Variants in MYO19 observed in about 807,000 individuals in gnomAD.
The protein encoded by MYO19 is myosin XIX, also known as unconventional myosin-XIX.
MYO19 carries 132 observed loss-of-function variants against 129.2 expected under a neutral mutation model. The observed-to-expected ratio is 1.02, with a 90% CI of 0.89 to 1.18. The LOEUF (loss-of-function observed/expected upper bound fraction) is 1.18. MYO19 is among the 50% of genes most tolerant of loss of function. MYO19 has a pLI of 0.00. For synonymous variants in MYO19, 531 were observed against 477.2 expected (o/e 1.11, Z -1.47); for missense variants, 1,210 against 1,216.7 (o/e 0.99, Z 0.08).
At position 36,532,662 on chromosome 17, in the gene MYO19, CAG is replaced by C; in HGVS notation, c.-126_-125del. ...AAAGGGCTCAGTTCTGGAGGAATCT[CAG>C]ACAAGTCACTCCAGCGCCTGTGGCA... is the stretch of plus-strand genomic sequence containing the variant. On this transcript the variant is annotated 5_prime_UTR_variant, in exon 3 of 26. Coordinates refer to ENST00000614623, the MANE Select transcript of MYO19 (RefSeq NM_001163735.2). The C allele has an allele frequency of 8.4e-7, 1 of 1,185,300 alleles. No homozygotes were observed. Among genetic ancestry groups the C allele is most frequent in the South Asian group, 1.3e-5 (1 of 75,976 alleles). 73.4% of individuals were successfully genotyped at this position (1,185,300 alleles called of 1,614,324 possible). A position where few individuals can be genotyped will look rare whatever the true frequency, so the allele number is the denominator to read the frequency against.
At position 36,523,011 on chromosome 17, in the gene MYO19, AAAAAAC is replaced by A. The variant is rs1256644276; in HGVS notation, c.414+2211_414+2216del. On this transcript the variant is annotated intron_variant, in intron 6 of 25. Transcript: ENST00000614623. The stretch of plus-strand genomic sequence containing the variant: ...ACAGAGCAAGACTCCGTCTCAAAAA[AAAAAAC>A]AAAAAACAAAAAAAAAAAACTTTGC... Among the ~76,000 whole-genome samples, 17 of 146,970 alleles carry A rather than the reference AAAAAAC, an allele frequency of 1.2e-4. No homozygotes were observed. The East Asian group carries it at 3.1e-3, about 27-fold the overall frequency.
chr17:36,542,244 A>G (rs909954123), intron 1 of MYO19: 4 of 150,558 alleles, frequency 2.7e-5, no homozygotes, highest in African/African-American at 7.5e-5. Flanking sequence ...TATGTTTTAT[A>G]TATGTTTTAA....
chr17:36,502,745 T>A, intron 21 of MYO19: 1 of 255,814 alleles, frequency 3.9e-6, no homozygotes, highest in Non-Finnish European at 7.5e-6. Flanking sequence ...CTGGCTGGAG[T>A]TCCTCATACC....
In MYO19 at chr17:36,505,336, G is replaced by T; in HGVS notation, c.1866C>A (p.Pro622=). The change falls in exon 19 of 26, where the codon CCC becomes CCA. Residue 622 remains proline, a synonymous_variant. Transcript: ENST00000614623. ...TTPHYIRCIK[P]NSQGQAQTFL... ...AGGTCTGCGCCTGGCCCTGGCTGTT[G>T]GGCTTGATGCAGCGAATGTAGTGGG... 1 of 1,614,240 alleles carries T rather than the reference G, an allele frequency of 6.2e-7. No homozygotes were observed. Among genetic ancestry groups the T allele is most frequent in the Non-Finnish European group, 8.5e-7 (1 of 1,180,048 alleles).
chr17:36,533,048 G>A (rs1450135643), intron 2 of MYO19: 1 of 157,646 alleles, frequency 6.3e-6, no homozygotes, highest in Non-Finnish European at 1.4e-5. Flanking sequence ...AGAGGCTGGA[G>A]TCATCTCTCG....
intron 6 of MYO19, among the ~76,000 whole-genome samples, chr17:36,519,843 A>G (rs938834083): frequency 3.9e-5 from 6 of 152,174 alleles, no homozygotes; most frequent in African/African-American, 7.2e-5. Flanking sequence ...ATTTTTGCTG[A>G]TAACAGAATT....
chr17:36,512,588 C>G lies in MYO19; in HGVS notation c.894+841G>C, dbSNP rs1386948278. On this transcript the variant is annotated intron_variant, in intron 11 of 25. Coordinates refer to ENST00000614623, the MANE Select transcript of MYO19 (RefSeq NM_001163735.2). Reference sequence around the variant, plus strand: ...CATGCCCACCCCCAAAGCACTCCTGCCCCGACTCCCAGTGTTGTCCACTTA... The same window carrying G: ...CATGCCCACCCCCAAAGCACTCCTGGCCCGACTCCCAGTGTTGTCCACTTA... 4 of 1,263,602 alleles carry G rather than the reference C, an allele frequency of 3.2e-6. No individual in the cohort carries two copies. The African/African-American group carries it at 4.6e-5, about 14-fold the overall frequency. 78.3% of individuals were successfully genotyped at this position (1,263,602 alleles called of 1,614,324 possible). A position where few individuals can be genotyped will look rare whatever the true frequency, so the allele number is the denominator to read the frequency against.
chr17:36,534,427 C>T (rs2074007086), intron 1 of MYO19, among the ~76,000 whole-genome samples: 1 of 152,152 alleles, frequency 6.6e-6, no homozygotes. Context: ...GCGCAGCTGC[C>T]CTGACACCTC....
intron 23 of MYO19, chr17:36,499,673 T>TTTTTTTC (rs2071359171): frequency 1.6e-5 from 2 of 124,974 alleles, no homozygotes; most frequent in African/African-American, 6.3e-5. Context: ...TCTTTTTTTT[T>TTTTTTTC]TTTTTTTTTT....
At chr17:36,517,311 G>A (rs767618678) in intron 6 of MYO19, among the ~76,000 whole-genome samples, 25 of 152,204 alleles carry the variant, frequency 1.6e-4, no homozygotes, top group Non-Finnish European at 2.6e-4. Flanking sequence ...CCAGGATGGA[G>A]TGCAGTGGCA....
At chr17:36,512,074 G>A (rs193014777) in intron 11 of MYO19, among the ~76,000 whole-genome samples, 1 of 152,232 alleles carries the variant, frequency 6.6e-6, no homozygotes, top group East Asian at 1.9e-4. Context: ...GACCCAGCTA[G>A]GCATGGTGGC....
At chr17:36,516,573 T>C (rs1232966809) in intron 6 of MYO19, among the ~76,000 whole-genome samples, 2 of 152,206 alleles carry the variant, frequency 1.3e-5, no homozygotes, top group African/African-American at 2.4e-5. Flanking sequence ...GGTTTCACCA[T>C]GTTGGTGAGT....
At chr17:36,531,873 G>C (rs537390324) in intron 3 of MYO19, among the ~76,000 whole-genome samples, 3 of 152,092 alleles carry the variant, frequency 2.0e-5, no homozygotes, top group Admixed American at 2.0e-4. Context: ...GGCAACACTT[G>C]GTAAAATAAA....
chr17:36,516,531 T>A (rs1254228535), intron 6 of MYO19, among the ~76,000 whole-genome samples: 2 of 152,148 alleles, frequency 1.3e-5, no homozygotes, highest in African/African-American at 2.4e-5. Context: ...CCACCACGCC[T>A]GGCTAATTTT....
At chr17:36,498,105 C>G (rs938517166) in intron 25 of MYO19, 161 bp downstream of exon 25, 7 of 693,914 alleles carry the variant, frequency 1.0e-5, no homozygotes, top group Non-Finnish European at 1.6e-5. Flanking sequence ...AATAAATAAT[C>G]CAAACCTGCA....
At position 36,510,771 on chromosome 17, in the gene MYO19, A is replaced by G; in HGVS notation, c.1132T>C (p.Cys378Arg). Reference sequence around the variant, plus strand: ...CGCGCATAGATCAGTTTGGCCAGGCAGTCTCTACGGGTGTCACACTCGGCT... The same window carrying G: ...CGCGCATAGATCAGTTTGGCCAGGCGGTCTCTACGGGTGTCACACTCGGCT... ...ARAECDTRRD[C>R]LAKLIYARLF... is the part of the protein sequence containing the mutation. The change falls in exon 13 of 26, where the codon TGC becomes CGC. Residue 378 changes from cysteine (C) to arginine (R), a missense_variant. By Grantham distance (180) the Cys-to-Arg change is radical. Coordinates refer to ENST00000614623, the MANE Select transcript of MYO19 (RefSeq NM_001163735.2). 6.2e-7 allele frequency: 1 copy of G among 1,608,180 alleles called. No homozygotes were observed. Among genetic ancestry groups the G allele is most frequent in the Non-Finnish European group, 8.5e-7 (1 of 1,177,194 alleles).
At chr17:36,538,286 G>A (rs757548701), upstream of MYO19, 7 of 1,613,104 alleles carry the variant, frequency 4.3e-6, no homozygotes, top group African/African-American at 8.0e-5. Flanking sequence ...ATATAATTTT[G>A]AGTTTTGCCA....
At chr17:36,531,126 G>T (rs2073810574) in intron 3 of MYO19, among the ~76,000 whole-genome samples, 1 of 151,920 alleles carries the variant, frequency 6.6e-6, no homozygotes, top group African/African-American at 2.4e-5. Flanking sequence ...TGGGCGCGGT[G>T]GCTCACGCCT....
chr17:36,511,735 G>A (rs910129813), intron 11 of MYO19, among the ~76,000 whole-genome samples: 2 of 152,226 alleles, frequency 1.3e-5, no homozygotes, highest in East Asian at 3.9e-4. Context: ...GAGAACCCAG[G>A]CTGACTTCAG....
Sources: allele counts gnomAD v4.1 joint callset (sites outside exome capture counted in the v4.1 genomes callset), GRCh38; gene constraint gnomAD v4.1.1; transcripts MANE v1.5; gene names NCBI Gene and HGNC (gene_info 2026-07-23, HGNC 2026-07-21).